Variants in PRDM2 observed in about 807,000 individuals in gnomAD.
PRDM2 encodes the protein PR/SET domain 2, also known as PR domain zinc finger protein 2.
PRDM2 carries 30 observed loss-of-function variants against 130.0 expected under a neutral mutation model. The ratio of observed to expected loss-of-function variants is 0.23; its 90% CI spans 0.17 to 0.31. The LOEUF is 0.31. Among genes scored for constraint, PRDM2 ranks in the 10% least tolerant of loss-of-function variants. PRDM2 has a pLI of 1.00. For missense variants in PRDM2, 2,011 were observed against 2,108.4 expected, an observed-to-expected ratio of 0.95 and a Z score of 0.90; for synonymous variants, 871 against 782.4, an observed-to-expected ratio of 1.11 and a Z score of -1.89.
chr1:13,775,840 C>A (rs936765470), intron 7 of PRDM2, among the ~76,000 whole-genome samples: 2 of 152,174 alleles, frequency 1.3e-5, no homozygotes, highest in Non-Finnish European at 2.9e-5. Context: ...TCTTGCTCCT[C>A]GGCCTCCAGT....
chr1:13,746,741 G>A (rs1643622289), intron 5 of PRDM2, among the ~76,000 whole-genome samples: 1 of 151,908 alleles, frequency 6.6e-6, no homozygotes, highest in Non-Finnish European at 1.5e-5. Flanking sequence ...ATTTTCAGTA[G>A]AGACAGAGTT....
intron 2 of PRDM2, among the ~76,000 whole-genome samples, chr1:13,716,684 G>A (rs1300626330): frequency 6.6e-6 from 1 of 152,142 alleles, no homozygotes; most frequent in Non-Finnish European, 1.5e-5. Context: ...GATAAGTAGA[G>A]CCAGTTATGT....
intron 4 of PRDM2, among the ~76,000 whole-genome samples, chr1:13,738,285 G>A (rs550917403): frequency 3.2e-4 from 48 of 152,220 alleles, no homozygotes; most frequent in African/African-American, 1.1e-3. Flanking sequence ...TCCCCCGAAA[G>A]TACACAAATG....
At position 13,734,443 on chromosome 1, in the gene PRDM2, C is replaced by A. The variant is rs1569794104; in HGVS notation, c.231+1561C>A. ...TATAACACTAATCTTGAACAAATGCCATCAATATTAAACTTAAGTTAGTAG... is the reference window on the plus strand; with the variant it reads ...TATAACACTAATCTTGAACAAATGCAATCAATATTAAACTTAAGTTAGTAG... On this transcript the variant is annotated intron_variant, in intron 4 of 9. Coordinates refer to ENST00000311066, the MANE Select transcript of PRDM2 (RefSeq NM_001393986.1). Among the ~76,000 whole-genome samples the A allele has an allele frequency of 2.0e-5, 3 of 152,278 alleles. No homozygotes were observed. In the South Asian group the frequency reaches 6.2e-4, roughly 32 times the overall value.
In PRDM2 at chr1:13,816,434, C is replaced by T. The variant is rs923115793; in HGVS notation, c.5044C>T (p.Leu1682Phe). The change falls in exon 9 of 10, where the codon CTC becomes TTC. Residue 1682 changes from leucine to phenylalanine, a missense_variant. By Grantham distance (22) the Leu-to-Phe change is conservative (BLOSUM62 0). Coordinates refer to ENST00000311066, the MANE Select transcript of PRDM2 (RefSeq NM_001393986.1). ...KQELKDFSYS[L>F]RLASRCSPPA... ...GTTCCTCTTCCTGCACAGCTACAGC[C>T]TCCGCTTGGCGTCCCGATGCTCTCC... The T allele has an allele frequency of 5.6e-6, 9 of 1,614,030 alleles. No individual in the cohort carries two copies. Among genetic ancestry groups the T allele is most frequent in the South Asian group, 1.1e-5 (1 of 91,082 alleles).
At chr1:13,770,226 A>G (rs1251305154) in intron 6 of PRDM2, 3 of 394,042 alleles carry the variant, frequency 7.6e-6, no homozygotes, top group Non-Finnish European at 1.5e-5. Flanking sequence ...GTTCTCGCTG[A>G]TTAGGTTTTG....
intron 6 of PRDM2, chr1:13,770,245 A>G (rs1569954337): frequency 3.9e-5 from 17 of 440,604 alleles, no homozygotes; most frequent in South Asian, 1.0e-4. Flanking sequence ...TGTTTGTCCA[A>G]TAAAGGACAT....
At chr1:13,749,208 G>A (rs1643717557) in intron 5 of PRDM2, among the ~76,000 whole-genome samples, 153 bp from the exon 6 acceptor site, 1 of 150,934 alleles carries the variant, frequency 6.6e-6, no homozygotes, top group South Asian at 2.1e-4. Context: ...CCCGCACGGG[G>A]CCGGGAGCCC....
intron 6 of PRDM2, among the ~76,000 whole-genome samples, chr1:13,769,487 G>A (rs940868884): frequency 5.9e-5 from 9 of 152,112 alleles, no homozygotes; most frequent in Non-Finnish European, 7.3e-5. Context: ...CCCCTCTGGC[G>A]CTGGCCTTCA....
At chr1:13,748,968 C>G (rs1643704739) in intron 5 of PRDM2, among the ~76,000 whole-genome samples, 1 of 152,250 alleles carries the variant, frequency 6.6e-6, no homozygotes, top group South Asian at 2.1e-4. Flanking sequence ...ACTCCGCTTT[C>G]CACACCGCAC....
rs2100737742 is a variant in PRDM2 at position 13,803,715 on chromosome 1, A to G, written c.5037-12712A>G. Among the ~76,000 whole-genome samples the G allele has an allele frequency of 6.6e-6, 1 of 152,304 alleles. No homozygotes were observed. The highest frequency in any genetic ancestry group is 2.4e-5 in the African/African-American group (1 of 41,582). On this transcript the variant is annotated intron_variant, in intron 8 of 9. Coordinates refer to ENST00000311066, the MANE Select transcript of PRDM2 (RefSeq NM_001393986.1). This position sits in a 1 kb window ranked among gnomAD's most constrained non-coding sequence, Gnocchi z 6.2. Reference sequence around the variant, plus strand: ...ACAGCCGGGGGCTTTCCCCGCGGGCAGGTTCTCCGGGCCGAGGTCACTGCA... The same window carrying G: ...ACAGCCGGGGGCTTTCCCCGCGGGCGGGTTCTCCGGGCCGAGGTCACTGCA...
chr1:13,742,311 C>T (rs1051023585), intron 5 of PRDM2, among the ~76,000 whole-genome samples, 154 bp downstream of exon 5: 4 of 152,196 alleles, frequency 2.6e-5, no homozygotes, highest in South Asian at 2.1e-4. Flanking sequence ...GGGCGATCCT[C>T]GGACCTCAAC....
At chr1:13,790,955 A>G (rs970146257) in intron 8 of PRDM2, among the ~76,000 whole-genome samples, 2 of 152,108 alleles carry the variant, frequency 1.3e-5, no homozygotes, top group Non-Finnish European at 2.9e-5. Context: ...CTGAGCATCT[A>G]CAAGTCTTGG....
chr1:13,722,193 A>G (rs1642751582), intron 2 of PRDM2, among the ~76,000 whole-genome samples: 1 of 152,130 alleles, frequency 6.6e-6, no homozygotes, highest in East Asian at 1.9e-4. Flanking sequence ...ACCATTCTCC[A>G]TAGGCCTTAC....
At chr1:13,708,454 A>T (rs777057640) in intron 1 of PRDM2, among the ~76,000 whole-genome samples, 9 of 152,306 alleles carry the variant, frequency 5.9e-5, no homozygotes, top group Non-Finnish European at 1.3e-4. Flanking sequence ...GCCACTGAGA[A>T]CAGCAGACCC....
At chr1:13,750,523 T>C (rs1352482672) in intron 6 of PRDM2, among the ~76,000 whole-genome samples, 1 of 152,178 alleles carries the variant, frequency 6.6e-6, no homozygotes, top group African/African-American at 2.4e-5. Flanking sequence ...TAAAATCATA[T>C]CGTAAACTCG....
chr1:13,822,927 G>A (rs539196315), intron 9 of PRDM2, among the ~76,000 whole-genome samples: 4 of 152,248 alleles, frequency 2.6e-5, no homozygotes, highest in Admixed American at 2.0e-4. Flanking sequence ...CCTTAAAGGG[G>A]TCACGGGTCA....
chr1:13,701,222 G>A (rs1642064592), intron 1 of PRDM2, among the ~76,000 whole-genome samples: 1 of 151,284 alleles, frequency 6.6e-6, no homozygotes, highest in African/African-American at 2.4e-5. Flanking sequence ...TATTTGAGAC[G>A]TGGAACGTCT....
At chr1:13,805,205 G>GT (rs1309553619) in intron 8 of PRDM2, among the ~76,000 whole-genome samples, 1 of 152,148 alleles carries the variant, frequency 6.6e-6, no homozygotes, top group Non-Finnish European at 1.5e-5. Context: ...ATGCGATGAT[G>GT]TTTTTTTCCC....
Sources: gnomAD v4.1 joint callset for allele counts (sites outside exome capture counted in the v4.1 genomes callset) on GRCh38, gnomAD v4.1.1 for gene constraint, Gnocchi (gnomAD v3.1) non-coding constraint, MANE v1.5 for transcripts, NCBI Gene and HGNC (gene_info 2026-07-23, HGNC 2026-07-21) for gene names.